PAX2: variants seen among roughly 807,000 people sequenced by gnomAD.
The protein encoded by PAX2 is paired box protein Pax-2.
In PAX2, 9 loss-of-function variants were observed where a neutral mutation model predicts 41.7. The ratio of observed to expected loss-of-function variants is 0.22; its 90% confidence interval spans 0.13 to 0.38. The LOEUF (loss-of-function observed/expected upper bound fraction) is 0.38, where lower values mean the gene tolerates loss of function less well. PAX2 is among the 10% of genes least tolerant of loss of function. The pLI, the probability that PAX2 is intolerant of heterozygous loss-of-function variation, is 1.00. For synonymous variants in PAX2, 221 were observed against 212.7 expected (o/e 1.04, Z -0.34); for missense variants, 418 against 531.6 (o/e 0.79, Z 2.10).
At chr10:100,792,333 G>A (rs922162081) in intron 5 of PAX2, among the ~76,000 whole-genome samples, 1 of 152,248 alleles carries the variant, frequency 6.6e-6, no homozygotes, top group Non-Finnish European at 1.5e-5. Context: ...TAGATGAAAG[G>A]GGAGTGTGGG....
At chr10:100,738,192 C>T (rs1388875305) in intron 1 of PAX2, among the ~76,000 whole-genome samples, 1 of 152,218 alleles carries the variant, frequency 6.6e-6, no homozygotes, top group Non-Finnish European at 1.5e-5. Context: ...TTCTCCTCTC[C>T]CTCTCCCCAT....
chr10:100,735,743 G>T, intron 1 of PAX2: 2 of 1,040,680 alleles, frequency 1.9e-6, no homozygotes. Context: ...GGTAAGAGCG[G>T]CAGAGACCCG....
At chr10:100,758,966 A>AG (rs1845740935) in intron 3 of PAX2, among the ~76,000 whole-genome samples, 1 of 152,210 alleles carries the variant, frequency 6.6e-6, no homozygotes, top group Non-Finnish European at 1.5e-5. Flanking sequence ...AGGGAGAGGC[A>AG]GAAAGTGAGG....
rs114444522 is a variant in PAX2, at chr10:100,813,821, T to C, written c.919+4585T>C. On this transcript the variant is annotated intron_variant, in intron 7 of 9. Transcript: ENST00000355243. Reference sequence around the variant, plus strand: ...TCACCAGGAGCAATGACAAACCTTCTTTGTAGAGACATTCTAAAATCCAGG... The same window carrying C: ...TCACCAGGAGCAATGACAAACCTTCCTTGTAGAGACATTCTAAAATCCAGG... Among the ~76,000 whole-genome samples the C allele has an allele frequency of 7.4e-3, 1,126 of 152,224 alleles. 11 individuals carry two copies. Among genetic ancestry groups the C allele is most frequent in the African/African-American group, 0.025 (1,034 of 41,530 alleles).
rs201800775 is a variant in PAX2 at position 100,826,990 on chromosome 10, C to T, written c.1022-19C>T. ...CTGGCTTGCAGGCGTCTGATCCCCA[C>T]TCCCCGACCCTCCCGCAGGGAGCGA... is the stretch of plus-strand genomic sequence containing the variant. On this transcript the variant is annotated intron_variant, in intron 8 of 9. Transcript: ENST00000355243. This position sits in a 1 kb window ranked among gnomAD's most constrained non-coding sequence, Gnocchi z 5.5. 313 of 1,592,452 alleles carry T rather than the reference C, an allele frequency of 2.0e-4. No homozygotes were observed. Among genetic ancestry groups the T allele is most frequent in the Non-Finnish European group, 2.5e-4 (288 of 1,160,582 alleles).
Position 100,745,876 on chromosome 10 carries a change from T to C in PAX2, c.-385T>C. On this transcript the variant is annotated 5_prime_UTR_variant, in exon 1 of 10. Transcript: ENST00000355243. ...CCCCGCGCGCTCTCCGACCACCGCC[T>C]CTCGGATGACCAGGTTCCAGGGGAG... is the stretch of plus-strand genomic sequence containing the variant. 1 of 1,041,074 alleles carries C rather than the reference T, an allele frequency of 9.6e-7. No homozygotes were observed. The highest frequency in any genetic ancestry group is 6.3e-5 in the East Asian group (1 of 15,938). The allele number at this position is 1,041,074 out of a possible 1,614,324, so 64.5% of individuals were successfully genotyped here.
intron 3 of PAX2, among the ~76,000 whole-genome samples, chr10:100,778,895 T>G (rs1411399147): frequency 1.3e-5 from 2 of 152,198 alleles, no homozygotes; most frequent in Non-Finnish European, 2.9e-5. Context: ...GAAGAGATTG[T>G]TCAGCCTGAC....
At chr10:100,815,023 C>T (rs941076016) in intron 7 of PAX2, among the ~76,000 whole-genome samples, 1 of 152,198 alleles carries the variant, frequency 6.6e-6, no homozygotes, top group South Asian at 2.1e-4. Flanking sequence ...CTCAGAAGCT[C>T]GGCCTCCTGG....
At chr10:100,823,095 G>A (rs1402925181) in intron 7 of PAX2, among the ~76,000 whole-genome samples, 3 of 152,154 alleles carry the variant, frequency 2.0e-5, no homozygotes, top group Non-Finnish European at 2.9e-5. Context: ...AAATTGAGCA[G>A]ATGTAACAGA....
chr10:100,774,702 G>A (rs1846323847), intron 3 of PAX2, among the ~76,000 whole-genome samples: 1 of 152,208 alleles, frequency 6.6e-6, no homozygotes, highest in Non-Finnish European at 1.5e-5. Flanking sequence ...ATTACATGGA[G>A]TGTCCCTATT....
chr10:100,817,229 T>C (rs564147509), intron 7 of PAX2, among the ~76,000 whole-genome samples: 1 of 152,300 alleles, frequency 6.6e-6, no homozygotes, highest in South Asian at 2.1e-4. Flanking sequence ...ACTGGGAAGT[T>C]GCCAACTGGG....
At chr10:100,747,726 C>A (rs1343177128) in intron 1 of PAX2, 1 of 984,640 alleles carries the variant, frequency 1.0e-6, no homozygotes, top group African/African-American at 1.8e-5. Context: ...AATTTCCAAG[C>A]GCAGGAAAGC....
intron 5 of PAX2, among the ~76,000 whole-genome samples, chr10:100,797,932 A>T (rs1323237298): frequency 6.6e-6 from 1 of 152,118 alleles, no homozygotes; most frequent in Non-Finnish European, 1.5e-5. Flanking sequence ...GAGGTCAGAC[A>T]GGCCCACAGC....
At chr10:100,771,307 T>C (rs1468224845) in intron 3 of PAX2, among the ~76,000 whole-genome samples, 2 of 152,144 alleles carry the variant, frequency 1.3e-5, no homozygotes, top group Non-Finnish European at 2.9e-5. Context: ...CCCTTATCAG[T>C]GGCCATGTTC....
At chr10:100,811,052 T>G (rs1847974415) in intron 7 of PAX2, among the ~76,000 whole-genome samples, 2 of 152,232 alleles carry the variant, frequency 1.3e-5, no homozygotes, top group Admixed American at 1.3e-4. Context: ...ACCATTAACA[T>G]TCGGAGCTGT....
chr10:100,747,840 G>C (rs1845257697), intron 1 of PAX2: 1 of 984,930 alleles, frequency 1.0e-6, no homozygotes. Flanking sequence ...TTTTCGCCCA[G>C]CCAGCCTGCC....
rs1306719342 is a variant in PAX2, at chr10:100,826,655, T to C, written c.1022-354T>C. Among the ~76,000 whole-genome samples, 1 of 152,112 alleles carries C rather than the reference T, an allele frequency of 6.6e-6. No homozygotes were observed. The highest frequency in any genetic ancestry group is 1.5e-5 in the Non-Finnish European group (1 of 68,008). ...GGGGCCATGCCTCCTAGAACCGGAG[T>C]GGCATCTATAAAGGCCCTGGCCCCC... On this transcript the variant is annotated intron_variant, in intron 8 of 9. Transcript: ENST00000355243. This position sits in a 1 kb window ranked among gnomAD's most constrained non-coding sequence, Gnocchi z 5.5.
chr10:100,827,505 T>C lies in PAX2; in HGVS notation c.1109-38T>C. On this transcript the variant is annotated intron_variant, in intron 9 of 9. Coordinates refer to ENST00000355243, the MANE Select transcript of PAX2 (RefSeq NM_000278.5). This position sits in a 1 kb window ranked among gnomAD's most constrained non-coding sequence, Gnocchi z 8.5. ...TCCTTTTTTGTTCTCCTGTTTGTCC[T>C]CTCACCCAGCCCATTCTTCTCCTGT... 1 of 1,603,784 alleles carries C rather than the reference T, an allele frequency of 6.2e-7. No homozygotes were observed. Among genetic ancestry groups the C allele is most frequent in the Non-Finnish European group, 8.5e-7 (1 of 1,170,624 alleles).
intron 5 of PAX2, among the ~76,000 whole-genome samples, chr10:100,802,648 G>A (rs1349175228): frequency 6.6e-6 from 1 of 152,124 alleles, no homozygotes; most frequent in South Asian, 2.1e-4. Context: ...GAGAGTCTGA[G>A]TACCTACTCG....
Sources: allele counts gnomAD v4.1 joint callset (sites outside exome capture counted in the v4.1 genomes callset), GRCh38; gene constraint gnomAD v4.1.1; non-coding constraint Gnocchi (gnomAD v3.1); transcripts MANE v1.5; gene names NCBI Gene and HGNC (gene_info 2026-07-23, HGNC 2026-07-21).